TENM1: variants seen among roughly 807,000 people sequenced by gnomAD.
TENM1 encodes the protein teneurin-1.
In TENM1, 35 loss-of-function variants were observed where a neutral mutation model predicts 174.8. The ratio of observed to expected loss-of-function variants is 0.20; its 90% CI spans 0.15 to 0.27. The LOEUF (loss-of-function observed/expected upper bound fraction) is 0.27. Ranked by LOEUF, TENM1 falls within the 10% of genes least tolerant of loss-of-function variation. TENM1 has a pLI of 1.00. For synonymous variants in TENM1, 781 were observed against 798.7 expected (o/e 0.98, Z 0.37); for missense variants, 1,633 against 2,130.1 (o/e 0.77, Z 4.59).
chrX:124,491,853 C>T (rs17325533), intron 20 of TENM1, among the ~76,000 whole-genome samples: 8,161 of 111,062 alleles, frequency 0.073, 264 homozygotes, highest in Middle Eastern at 0.097. Flanking sequence ...TGGAATTACT[C>T]GATGTGGCCA....
intron 22 of TENM1, among the ~76,000 whole-genome samples, chrX:124,456,863 G>A (rs1389471645): frequency 4.5e-5 from 5 of 111,602 alleles, no homozygotes; most frequent in Non-Finnish European, 7.5e-5. Flanking sequence ...TTGTTCCAAC[G>A]GTCATGTTCA....
chrX:125,162,713 A>G, the TENM1 span, among the ~76,000 whole-genome samples: 1 of 111,694 alleles, frequency 9.0e-6, no homozygotes, highest in Non-Finnish European at 1.9e-5. Context: ...TCCATGGGCA[A>G]TTGTATCTGT....
intron 3 of TENM1, among the ~76,000 whole-genome samples, chrX:124,741,865 T>C (rs1336384215): frequency 1.8e-5 from 2 of 112,339 alleles, no homozygotes; most frequent in East Asian, 5.6e-4. Context: ...ATTCATCTAG[T>C]GCTTTTAACA....
the TENM1 span, among the ~76,000 whole-genome samples, chrX:125,098,736 T>C: frequency 8.9e-6 from 1 of 112,108 alleles, no homozygotes; most frequent in African/African-American, 3.2e-5. Flanking sequence ...TTAGACACTA[T>C]CTTTTGCCCA....
At chrX:125,027,706 C>G in the TENM1 span, among the ~76,000 whole-genome samples, 1 of 107,035 alleles carries the variant, frequency 9.3e-6, no homozygotes, top group East Asian at 2.9e-4. Context: ...CTCCGCTTCC[C>G]GGGTTCAAGT....
chrX:125,087,753 G>C, the TENM1 span, among the ~76,000 whole-genome samples: 1 of 110,543 alleles, frequency 9.0e-6, no homozygotes, highest in South Asian at 3.7e-4. Flanking sequence ...GGAACAATTC[G>C]AGAAACAAAA....
At chrX:124,866,798 G>T (rs1357646790) in intron 3 of TENM1, among the ~76,000 whole-genome samples, 1 of 111,029 alleles carries the variant, frequency 9.0e-6, no homozygotes, top group African/African-American at 3.3e-5. Flanking sequence ...AATAAAATCA[G>T]AAATGAAAAA....
intron 16 of TENM1, among the ~76,000 whole-genome samples, chrX:124,527,774 G>A (rs1215089651): frequency 2.9e-5 from 3 of 102,730 alleles, no homozygotes; most frequent in Admixed American, 1.1e-4. Flanking sequence ...TCAGCCACCC[G>A]AGTAGCTGGG....
intron 1 of TENM1, among the ~76,000 whole-genome samples, chrX:124,938,040 C>T (rs968149037): frequency 9.0e-6 from 1 of 111,630 alleles, no homozygotes; most frequent in African/African-American, 3.3e-5. Context: ...TGTAATATAA[C>T]TCCATATATG....
At chrX:125,162,942 C>G in the TENM1 span, among the ~76,000 whole-genome samples, 1 of 111,335 alleles carries the variant, frequency 9.0e-6, no homozygotes, top group African/African-American at 3.3e-5. Context: ...CCCACACTCT[C>G]AGTCACCCAA....
chrX:125,107,487 C>T, the TENM1 span, among the ~76,000 whole-genome samples: 7,777 of 111,526 alleles, frequency 0.07, 673 homozygotes, highest in African/African-American at 0.24. Context: ...ATGGGGAAAA[C>T]AGCCCAACCT....
intron 3 of TENM1, among the ~76,000 whole-genome samples, chrX:124,833,309 GATA>G (rs2056327870): frequency 8.9e-6 from 1 of 112,125 alleles, no homozygotes. Flanking sequence ...TGCCCAGAAA[GATA>G]ATGAGTTGAG....
intron 3 of TENM1, among the ~76,000 whole-genome samples, chrX:124,781,275 C>A (rs2054904478): frequency 1.8e-5 from 2 of 111,441 alleles, no homozygotes; most frequent in African/African-American, 6.5e-5. Context: ...GAATAAAATC[C>A]AACTTCCAAA....
At chrX:125,005,066 C>T in the TENM1 span, among the ~76,000 whole-genome samples, 1 of 110,101 alleles carries the variant, frequency 9.1e-6, no homozygotes, top group Non-Finnish European at 1.9e-5. Flanking sequence ...GCCTCTTGAC[C>T]TTATCCTCTT....
At chrX:124,447,882 A>G (rs1323107419) in intron 23 of TENM1, among the ~76,000 whole-genome samples, 2 of 111,551 alleles carry the variant, frequency 1.8e-5, no homozygotes, top group African/African-American at 6.5e-5. Context: ...TACCATTGCC[A>G]TGTGTAAACT....
At chrX:124,509,802 C>T (rs2047539143) in intron 18 of TENM1, among the ~76,000 whole-genome samples, 1 of 105,682 alleles carries the variant, frequency 9.5e-6, no homozygotes, top group Non-Finnish European at 1.9e-5. Context: ...CTCATTGTAG[C>T]CTCCACCTCC....
At chrX:125,090,394 G>A in the TENM1 span, among the ~76,000 whole-genome samples, 3 of 110,434 alleles carry the variant, frequency 2.7e-5, no homozygotes, top group Non-Finnish European at 5.7e-5. Flanking sequence ...GCCCATAATC[G>A]CAGCACTTTG....
chrX:125,162,522 C>T, the TENM1 span, among the ~76,000 whole-genome samples: 1 of 111,841 alleles, frequency 8.9e-6, no homozygotes, highest in Non-Finnish European at 1.9e-5. Context: ...TGCTGACCAC[C>T]TCCACATCTC....
chrX:124,724,040 G>T (rs924561155), intron 4 of TENM1, among the ~76,000 whole-genome samples: 1 of 112,232 alleles, frequency 8.9e-6, no homozygotes, highest in South Asian at 3.7e-4. Context: ...CACATAGTAA[G>T]CAAGTAGTAG....
Sources: allele counts gnomAD v4.1 joint callset (sites outside exome capture counted in the v4.1 genomes callset), GRCh38; gene constraint gnomAD v4.1.1; transcripts MANE v1.5; gene names NCBI Gene and HGNC (gene_info 2026-07-23, HGNC 2026-07-21).